NUBPL: variants seen among roughly 807,000 people sequenced by gnomAD.
The protein encoded by NUBPL is NUBP iron-sulfur cluster assembly factor, mitochondrial.
NUBPL carries 31 observed loss-of-function variants against 45.7 expected under a neutral mutation model. That is an observed-to-expected ratio of 0.68 (90% CI 0.51 to 0.92). The LOEUF is 0.92. Among genes scored for constraint, NUBPL ranks in the 40% least tolerant of loss-of-function variants. NUBPL has a pLI of 0.00. For missense variants in NUBPL, 401 were observed against 398.7 expected (o/e 1.01, Z -0.05); for synonymous variants, 144 against 140.9 (o/e 1.02, Z -0.15).
At chr14:31,608,202 G>T (rs2034654297) in intron 4 of NUBPL, among the ~76,000 whole-genome samples, 2 of 152,174 alleles carry the variant, frequency 1.3e-5, no homozygotes, top group African/African-American at 2.4e-5. Flanking sequence ...AAAGCTGAGG[G>T]ATTTTTAACA....
intron 7 of NUBPL, among the ~76,000 whole-genome samples, chr14:31,807,286 G>GT (rs1467458720): frequency 1.3e-5 from 2 of 152,108 alleles, no homozygotes; most frequent in African/African-American, 4.8e-5. Context: ...AGCATCTGTT[G>GT]TTTCCTGACT....
At chr14:31,758,183 T>G (rs2038715026) in intron 6 of NUBPL, among the ~76,000 whole-genome samples, 1 of 152,180 alleles carries the variant, frequency 6.6e-6, no homozygotes, top group African/African-American at 2.4e-5. Context: ...TTCTTGACTA[T>G]CTTGTTCACT....
chr14:31,613,552 C>T (rs917485267), intron 4 of NUBPL, among the ~76,000 whole-genome samples: 5 of 151,940 alleles, frequency 3.3e-5, no homozygotes, highest in East Asian at 1.9e-4. Context: ...CCCAGGTTCC[C>T]GTTCAAGCAA....
chr14:31,596,302 T>A (rs2034281752), intron 3 of NUBPL, among the ~76,000 whole-genome samples: 1 of 152,212 alleles, frequency 6.6e-6, no homozygotes. Flanking sequence ...ATTTTTAAAA[T>A]CTAGCCAATT....
rs767966643 is a variant in NUBPL at position 31,599,379 on chromosome 14, A to C, written c.382A>C (p.Ser128Arg). ...GAAAGGAAATCCGGAATTATCACAGAGTAAGTAAAGAAGGGATAAATATTA... is the reference window on the plus strand; with the variant it reads ...GAAAGGAAATCCGGAATTATCACAGCGTAAGTAAAGAAGGGATAAATATTA... Reference protein sequence around the residue: ...NLKGNPELSQSNLMRPLLNYG... With the variant: ...NLKGNPELSQRNLMRPLLNYG... Residue 128 changes from serine (S) to arginine (R), a missense_variant and splice_region_variant, in exon 4 of 11, where the codon AGC (serine) becomes CGC (arginine). By Grantham distance (110) the Ser-to-Arg change is moderately radical. Transcript: ENST00000281081. 1.3e-6 allele frequency: 2 copies of C among 1,596,666 alleles called. No individual in the cohort carries two copies. Among genetic ancestry groups the C allele is most frequent in the South Asian group, 1.1e-5 (1 of 90,714 alleles).
chr14:31,725,021 T>C lies in NUBPL; in HGVS notation c.513+51447T>C, dbSNP rs143540567. On this transcript the variant is annotated intron_variant, in intron 6 of 10. Transcript: ENST00000281081. ...AGCAAGGAAGCCAGGGGTTATGTCATCTAGTATCTTATAGTAAAGATTTTG... is the reference window on the plus strand; with the variant it reads ...AGCAAGGAAGCCAGGGGTTATGTCACCTAGTATCTTATAGTAAAGATTTTG... 2.3e-3 allele frequency among the ~76,000 whole-genome samples: 352 copies of C among 151,878 alleles called. 1 individual carries two copies. The highest frequency in any genetic ancestry group is 8.1e-3 in the African/African-American group (336 of 41,418).
At chr14:31,851,748 T>G (rs1473408975) in intron 10 of NUBPL, among the ~76,000 whole-genome samples, 1 of 152,100 alleles carries the variant, frequency 6.6e-6, no homozygotes, top group Non-Finnish European at 1.5e-5. Flanking sequence ...ATTGAGGGTT[T>G]TTTTTGCTTT....
chr14:31,831,468 T>TATACCATACCATACCATACC (rs139348463), intron 8 of NUBPL, among the ~76,000 whole-genome samples: 9,053 of 143,052 alleles, frequency 0.063, 348 homozygotes, highest in Non-Finnish European at 0.076. Context: ...TATACTGTAC[T>TATACCATACCATACCATACC]ATACCATACC....
At chr14:31,697,028 C>T (rs1403417378) in intron 6 of NUBPL, among the ~76,000 whole-genome samples, 2 of 152,104 alleles carry the variant, frequency 1.3e-5, no homozygotes, top group East Asian at 3.9e-4. Context: ...TAAATTTGAC[C>T]AGTGTTTCAA....
At chr14:31,617,003 G>T (rs2034920991) in intron 4 of NUBPL, among the ~76,000 whole-genome samples, 1 of 152,030 alleles carries the variant, frequency 6.6e-6, no homozygotes, top group African/African-American at 2.4e-5. Flanking sequence ...CTTGTAAGTT[G>T]TATTCCTAGG....
At chr14:31,763,089 T>TTTGGAGGATGATGGGAGTGGAA (rs2038846953) in intron 6 of NUBPL, among the ~76,000 whole-genome samples, 1 of 152,104 alleles carries the variant, frequency 6.6e-6, no homozygotes, top group African/African-American at 2.4e-5. Flanking sequence ...CTCTATTTCT[T>TTTGGAGGATGATGGGAGTGGAA]TTGGAGGATG....
At chr14:31,696,447 TA>T (rs1158281048) in intron 6 of NUBPL, among the ~76,000 whole-genome samples, 2 of 152,206 alleles carry the variant, frequency 1.3e-5, no homozygotes, top group South Asian at 2.1e-4. Flanking sequence ...TTGTCAAGGT[TA>T]TGCTTCTTTA....
intron 10 of NUBPL, among the ~76,000 whole-genome samples, chr14:31,858,395 GTTAC>G (rs1295284470): frequency 6.6e-6 from 1 of 152,168 alleles, no homozygotes; most frequent in Non-Finnish European, 1.5e-5. Context: ...GTGTTCTACA[GTTAC>G]TTTTTATGAA....
intron 4 of NUBPL, among the ~76,000 whole-genome samples, chr14:31,650,021 G>T (rs1271760116): frequency 3.3e-5 from 5 of 151,830 alleles, no homozygotes; most frequent in South Asian, 2.1e-4. Flanking sequence ...CACCATGCCC[G>T]GCTAATTTTG....
chr14:31,646,163 C>T (rs1198468496), intron 4 of NUBPL, among the ~76,000 whole-genome samples: 4 of 151,856 alleles, frequency 2.6e-5, no homozygotes, highest in Non-Finnish European at 5.9e-5. Context: ...TCTTGGATGG[C>T]AAGTCCCCTT....
intron 6 of NUBPL, among the ~76,000 whole-genome samples, chr14:31,754,696 A>T (rs562779994): frequency 6.7e-4 from 92 of 136,450 alleles, no homozygotes; most frequent in East Asian, 1.4e-3. Context: ...CAAAAAAAAA[A>T]TTTTTTTTAT....
chr14:31,834,759 A>G (rs2040254855), intron 8 of NUBPL, among the ~76,000 whole-genome samples: 1 of 152,096 alleles, frequency 6.6e-6, no homozygotes, highest in Admixed American at 6.5e-5. Context: ...CATTTCCCCC[A>G]TTTTGCACAT....
chr14:31,824,806 T>C (rs1022655966), intron 7 of NUBPL, among the ~76,000 whole-genome samples: 8 of 152,200 alleles, frequency 5.3e-5, no homozygotes, highest in African/African-American at 1.2e-4. Context: ...TGCCACTTGA[T>C]ACCAATTTAA....
At chr14:31,786,187 A>G (rs2039280149) in intron 6 of NUBPL, among the ~76,000 whole-genome samples, 1 of 152,136 alleles carries the variant, frequency 6.6e-6, no homozygotes, top group Non-Finnish European at 1.5e-5. Flanking sequence ...AATAAGTAAA[A>G]GCATGATTAT....
Sources: allele counts gnomAD v4.1 joint callset (sites outside exome capture counted in the v4.1 genomes callset), GRCh38; gene constraint gnomAD v4.1.1; transcripts MANE v1.5; gene names NCBI Gene and HGNC (gene_info 2026-07-23, HGNC 2026-07-21).